The following FHL3 variants were observed in gnomAD, a reference collection of about 807,000 sequenced individuals.
The protein encoded by FHL3 is four and a half LIM domains protein 3.
FHL3 carries 21 observed loss-of-function variants against 34.3 expected under a neutral mutation model. The observed-to-expected ratio is 0.61, with a 90% CI of 0.43 to 0.88. The LOEUF is 0.88. Ranked by LOEUF, FHL3 falls within the 40% of genes least tolerant of loss-of-function variation. FHL3 has a pLI of 0.00. For missense variants in FHL3, 333 were observed against 373.7 expected (o/e 0.89, Z 0.90); for synonymous variants, 137 against 144.6 (o/e 0.95, Z 0.38).
rs1417123868 is a variant in FHL3, at chr1:37,996,867, A to C, written c.*538T>G. On this transcript the variant is annotated 3_prime_UTR_variant, in exon 6 of 6. Coordinates refer to ENST00000373016, the MANE Select transcript of FHL3 (RefSeq NM_004468.5). Reference sequence around the variant, plus strand: ...AAAATGGAGCTGAAATAAAATGAGAAGACACTCGGTGGCGACCTGCTGGGC... The same window carrying C: ...AAAATGGAGCTGAAATAAAATGAGACGACACTCGGTGGCGACCTGCTGGGC... 1 of 153,152 alleles carries C rather than the reference A, an allele frequency of 6.5e-6. No homozygotes were observed. The highest frequency in any genetic ancestry group is 1.5e-5 in the Non-Finnish European group (1 of 68,432). 9.5% of individuals were successfully genotyped at this position (153,152 alleles called of 1,614,324 possible). A position where few individuals can be genotyped will look rare whatever the true frequency, so the allele number is the denominator to read the frequency against.
In FHL3 at chr1:37,997,681, C is replaced by T. The variant is rs375939327; in HGVS notation, c.688+3G>A. 6 of 1,613,964 alleles carry T rather than the reference C, an allele frequency of 3.7e-6. No homozygotes were observed. The highest frequency in any genetic ancestry group is 1.1e-5 in the South Asian group (1 of 91,068). On this transcript the variant is annotated splice_donor_region_variant and intron_variant, in intron 5 of 5. Transcript: ENST00000373016. This position sits in a 1 kb window ranked among gnomAD's most constrained non-coding sequence, Gnocchi z 4.3. ...CCACTCCGTTCTTTGACCCTTGTCC[C>T]ACCTACGATGGGGCGCTTGCAGCTG...
At chr1:37,998,405 A>C (rs1017693295) in intron 3 of FHL3, among the ~76,000 whole-genome samples, 2 of 152,106 alleles carry the variant, frequency 1.3e-5, no homozygotes, top group African/African-American at 4.8e-5. Context: ...TCAAGCCTCC[A>C]TGTAACAGTC....
chr1:38,001,432 TGA>T (rs772954027), intron 1 of FHL3, among the ~76,000 whole-genome samples: 57 of 152,180 alleles, frequency 3.7e-4, no homozygotes, highest in Non-Finnish European at 6.6e-4. Flanking sequence ...GTCCACCCCC[TGA>T]GAGACAGTCA....
At chr1:38,001,335 C>A (rs1057236284) in intron 1 of FHL3, among the ~76,000 whole-genome samples, 44 of 152,244 alleles carry the variant, frequency 2.9e-4, no homozygotes, top group African/African-American at 9.2e-4. Context: ...AGGTGGAATG[C>A]GTCCACAGGG....
At chr1:37,999,477 T>C (rs1570483879) in intron 1 of FHL3, 45 bp from the exon 2 acceptor site, 4 of 1,583,152 alleles carry the variant, frequency 2.5e-6, no homozygotes, top group Middle Eastern at 2.1e-4. Flanking sequence ...AGAGAGGCTG[T>C]GGCTTGGCTC....
intron 3 of FHL3, 98 bp downstream of exon 3, chr1:37,998,876 G>T: frequency 7.9e-7 from 1 of 1,265,262 alleles, no homozygotes; most frequent in East Asian, 2.5e-5. Context: ...GTGTATGCAG[G>T]TCTTTACACA....
chr1:38,004,514 C>T (rs1162429897), intron 1 of FHL3, among the ~76,000 whole-genome samples: 1 of 151,880 alleles, frequency 6.6e-6, no homozygotes, highest in Non-Finnish European at 1.5e-5. Context: ...TCTGTCTCTG[C>T]TTCACTCAGC....
intron 1 of FHL3, among the ~76,000 whole-genome samples, chr1:38,000,679 G>A (rs1481653273): frequency 6.6e-6 from 1 of 152,154 alleles, no homozygotes. Flanking sequence ...CCTAGGGAGT[G>A]GAGCGGTAGG....
chr1:37,999,527 A>C, intron 1 of FHL3, 95 bp from the exon 2 acceptor site: 1 of 1,214,434 alleles, frequency 8.2e-7, no homozygotes. Context: ...CAGCCAAGAG[A>C]CCCGGCATAG....
Position 38,002,061 on chromosome 1 carries a change from A to G in FHL3, c.-20-2629T>C, listed in dbSNP as rs976702378. 8.6e-5 allele frequency among the ~76,000 whole-genome samples: 13 copies of G among 151,836 alleles called. 1 individual carries two copies. The highest frequency in any genetic ancestry group is 1.9e-4 in the Non-Finnish European group (13 of 67,994). On this transcript the variant is annotated intron_variant, in intron 1 of 5. Coordinates refer to ENST00000373016, the MANE Select transcript of FHL3 (RefSeq NM_004468.5). ...CTCACTCATACTGGGGCCAGATAGCAGTTTCACAGGCAGGTCTGGGTCAAG... is the reference window on the plus strand; with the variant it reads ...CTCACTCATACTGGGGCCAGATAGCGGTTTCACAGGCAGGTCTGGGTCAAG...
At position 37,997,537 on chromosome 1, in the gene FHL3, C is replaced by T. The variant is rs747066275; in HGVS notation, c.711G>A (p.Val237=). 3.1e-6 allele frequency: 5 copies of T among 1,613,378 alleles called. No homozygotes were observed. The highest frequency in any genetic ancestry group is 1.1e-5 in the South Asian group (1 of 91,038). Residue 237 remains valine (V), a synonymous_variant, in exon 6 of 6, where the codon GTG becomes GTA. Coordinates refer to ENST00000373016, the MANE Select transcript of FHL3 (RefSeq NM_004468.5). This position sits in a 1 kb window ranked among gnomAD's most constrained non-coding sequence, Gnocchi z 4.3. ...GGTGCCAGTGTCGGTCTTCAAAGGA[C>T]ACATACTTGCCTCCACCGAGTCCTG... ...PIVGLGGGKY[V]SFEDRHWHHN...
Position 37,997,358 on chromosome 1 carries a change from A to C in FHL3, c.*47T>G. ...AGAGGTGGTTTAGAAAAGGAGCCAC[A>C]GTCCTGGGCCCGTGGTATGGGAAAG... On this transcript the variant is annotated 3_prime_UTR_variant, in exon 6 of 6. Transcript: ENST00000373016. This position sits in a 1 kb window ranked among gnomAD's most constrained non-coding sequence, Gnocchi z 4.3. 4 of 1,565,444 alleles carry C rather than the reference A, an allele frequency of 2.6e-6. No individual in the cohort carries two copies. The highest frequency in any genetic ancestry group is 3.5e-6 in the Non-Finnish European group (4 of 1,157,114).
chr1:37,997,362 C>T lies in FHL3; in HGVS notation c.*43G>A. 1 of 1,596,192 alleles carries T rather than the reference C, an allele frequency of 6.3e-7. No homozygotes were observed. Among genetic ancestry groups the T allele is most frequent in the Non-Finnish European group, 8.5e-7 (1 of 1,172,808 alleles). ...GTGGTTTAGAAAAGGAGCCACAGTC[C>T]TGGGCCCGTGGTATGGGAAAGCCTG... is the stretch of plus-strand genomic sequence containing the variant. On this transcript the variant is annotated 3_prime_UTR_variant, in exon 6 of 6. Transcript: ENST00000373016. The surrounding 1 kb of genome is among the most constrained non-coding windows in gnomAD (Gnocchi z 4.3).
At chr1:38,004,908 GC>G in intron 1 of FHL3, among the ~76,000 whole-genome samples, 1 of 152,158 alleles carries the variant, frequency 6.6e-6, no homozygotes, top group Middle Eastern at 3.4e-3. Context: ...GCCTAGGACG[GC>G]CCCCATGCCT....
At chr1:38,002,187 C>T (rs1288445614) in intron 1 of FHL3, among the ~76,000 whole-genome samples, 1 of 151,910 alleles carries the variant, frequency 6.6e-6, no homozygotes, top group Non-Finnish European at 1.5e-5. Context: ...CAACCTCCAC[C>T]TCCCGGGTTC....
rs759074234 is a variant in FHL3, at chr1:37,999,340, C to T, written c.73G>A (p.Gly25Ser). The change falls in exon 2 of 6, where the codon GGC becomes AGC. Residue 25 changes from glycine (G) to serine (S), a missense_variant. Transcript: ENST00000373016. Reference sequence around the variant, plus strand: ...TCATAGCAGGGCACACAGTAGGGGCCGCTGTCTGTCTGGATGTACTTGCGT... The same window carrying T: ...TCATAGCAGGGCACACAGTAGGGGCTGCTGTCTGTCTGGATGTACTTGCGT... The part of the protein sequence containing the change: ...YGRKYIQTDS[G>S]PYCVPCYDNT... The T allele has an allele frequency of 8.7e-6, 14 of 1,614,108 alleles. No individual in the cohort carries two copies. Among genetic ancestry groups the T allele is most frequent in the African/African-American group, 4.0e-5 (3 of 74,940 alleles).
intron 1 of FHL3, among the ~76,000 whole-genome samples, chr1:38,004,097 C>T (rs147897765): frequency 1.3e-5 from 2 of 152,298 alleles, no homozygotes; most frequent in South Asian, 2.1e-4. Context: ...AACCCTCACC[C>T]TCTGCTACCG....
intron 1 of FHL3, among the ~76,000 whole-genome samples, chr1:38,001,681 G>T (rs1210629978): frequency 6.6e-6 from 1 of 152,206 alleles, no homozygotes; most frequent in African/African-American, 2.4e-5. Context: ...CGGCAGTGGG[G>T]CGGGGTTTGG....
chr1:38,002,704 C>A (rs1335841574), intron 1 of FHL3, among the ~76,000 whole-genome samples: 1 of 151,902 alleles, frequency 6.6e-6, no homozygotes, highest in African/African-American at 2.4e-5. Context: ...CCATGCCCAG[C>A]TAATTTTTGT....
Sources: allele counts gnomAD v4.1 joint callset (sites outside exome capture counted in the v4.1 genomes callset), GRCh38; gene constraint gnomAD v4.1.1; non-coding constraint Gnocchi (gnomAD v3.1); transcripts MANE v1.5; gene names NCBI Gene and HGNC (gene_info 2026-07-23, HGNC 2026-07-21).